Variants in TTLL10 observed in about 807,000 individuals in gnomAD.
TTLL10 encodes inactive polyglycylase TTLL10.
TTLL10 carries 61 observed loss-of-function variants against 69.0 expected under a neutral mutation model. The observed-to-expected ratio is 0.88, with a 90% CI of 0.72 to 1.09. TTLL10 has a LOEUF of 1.09. TTLL10 is among the 50% of genes least tolerant of loss of function. The pLI is 0.00. For synonymous variants in TTLL10, 408 were observed against 393.3 expected, an observed-to-expected ratio of 1.04 and a Z score of -0.44; for missense variants, 962 against 945.9, an observed-to-expected ratio of 1.02 and a Z score of -0.22.
chr1:1,181,722 T>G lies in TTLL10; in HGVS notation c.756-19T>G. On this transcript the variant is annotated intron_variant, in intron 8 of 15. Transcript: ENST00000379289. The surrounding 1 kb of genome is among the most constrained non-coding windows in gnomAD (Gnocchi z 4.6). ...TGAGCTGGCCCCTCAGTCCAGGCCCTCTGTCCCCTGGGCTGCAGGCTGGAA... is the reference window on the plus strand; with the variant it reads ...TGAGCTGGCCCCTCAGTCCAGGCCCGCTGTCCCCTGGGCTGCAGGCTGGAA... 1 of 1,579,234 alleles carries G rather than the reference T, an allele frequency of 6.3e-7. No homozygotes were observed. The highest frequency in any genetic ancestry group is 8.6e-7 in the Non-Finnish European group (1 of 1,163,464).
rs1461884764 is a variant in TTLL10 at position 1,184,108 on chromosome 1, T to A, written c.1260+17T>A. On this transcript the variant is annotated intron_variant, in intron 12 of 15. Transcript: ENST00000379289. ...ACCAACCAGGTGAGTCTGCCATGGGTGAGGGCCCTCCCTGCAGCCTTGGGA... is the reference window on the plus strand; with the variant it reads ...ACCAACCAGGTGAGTCTGCCATGGGAGAGGGCCCTCCCTGCAGCCTTGGGA... The A allele has an allele frequency of 1.2e-6, 2 of 1,613,820 alleles. No homozygotes were observed. Among genetic ancestry groups the A allele is most frequent in the Admixed American group, 3.3e-5 (2 of 59,996 alleles).
chr1:1,189,920 G>A (rs942671890), intron 13 of TTLL10, among the ~76,000 whole-genome samples: 12 of 152,088 alleles, frequency 7.9e-5, no homozygotes, highest in Admixed American at 3.3e-4. Flanking sequence ...AGACCATCCC[G>A]GGTAACACGG....
intron 11 of TTLL10, among the ~76,000 whole-genome samples, chr1:1,183,268 G>A (rs754401843): frequency 1.4e-4 from 22 of 152,314 alleles, no homozygotes; most frequent in Admixed American, 1.2e-3. Context: ...GGGTTAGTCA[G>A]TTTGTCCTTC....
At chr1:1,188,238 T>A (rs1262932011) in intron 13 of TTLL10, among the ~76,000 whole-genome samples, 1 of 152,184 alleles carries the variant, frequency 6.6e-6, no homozygotes, top group African/African-American at 2.4e-5. Flanking sequence ...ACCACATGGT[T>A]TTGATTGCTG....
chr1:1,182,510 G>A, intron 10 of TTLL10, 64 bp downstream of exon 10: 2 of 1,552,606 alleles, frequency 1.3e-6, no homozygotes, highest in Non-Finnish European at 1.8e-6. Flanking sequence ...CTGGACCAAG[G>A]CGGGGGCTGA....
In TTLL10 at chr1:1,181,724, T is replaced by C. The variant is rs375805679; in HGVS notation, c.756-17T>C. 214 of 1,582,180 alleles carry C rather than the reference T, an allele frequency of 1.4e-4. No homozygotes were observed. In the African/African-American group the frequency reaches 2.5e-3, roughly 19 times the overall value. On this transcript the variant is annotated splice_polypyrimidine_tract_variant and intron_variant, in intron 8 of 15. Transcript: ENST00000379289. This position sits in a 1 kb window ranked among gnomAD's most constrained non-coding sequence, Gnocchi z 4.6. The stretch of plus-strand genomic sequence containing the variant: ...AGCTGGCCCCTCAGTCCAGGCCCTC[T>C]GTCCCCTGGGCTGCAGGCTGGAAAA...
chr1:1,192,544 C>T (rs1269232715), intron 13 of TTLL10, among the ~76,000 whole-genome samples: 1 of 151,206 alleles, frequency 6.6e-6, no homozygotes, highest in Non-Finnish European at 1.5e-5. Flanking sequence ...AGTGTAGACA[C>T]TCCAGTTGGT....
chr1:1,182,416 G>A lies in TTLL10; in HGVS notation c.886G>A (p.Glu296Lys), dbSNP rs1183153253. The change falls in exon 10 of 16, where the codon GAG becomes AAG. Residue 296 changes from glutamate (E) to lysine (K), a missense_variant. Coordinates refer to ENST00000379289, the MANE Select transcript of TTLL10 (RefSeq NM_001130045.2). ...PETYRLDLKH[E>K]REAFFTLFDE... is the part of the protein sequence containing the mutation. ...GACCTACCGCCTGGACCTCAAACAC[G>A]AGAGAGAGGCCTTTTTCACCTTGTT... 8 of 1,613,990 alleles carry A rather than the reference G, an allele frequency of 5.0e-6. No homozygotes were observed. The highest frequency in any genetic ancestry group is 1.6e-4 in the Middle Eastern group (1 of 6,062).
intron 13 of TTLL10, among the ~76,000 whole-genome samples, chr1:1,191,578 T>C (rs1647782107): frequency 6.6e-6 from 1 of 152,152 alleles, no homozygotes; most frequent in African/African-American, 2.4e-5. Context: ...TTGGGTGTAG[T>C]GTTCTGTAGA....
intron 13 of TTLL10, chr1:1,196,378 A>G (rs1459852755): frequency 1.8e-6 from 1 of 543,164 alleles, no homozygotes; most frequent in Non-Finnish European, 3.3e-6. Context: ...TCACTCTCGT[A>G]TCTCCAGTGC....
Position 1,185,506 on chromosome 1 carries a change from C to T in TTLL10, c.1401+397C>T. 9.5e-7 allele frequency: 1 copy of T among 1,054,098 alleles called. No homozygotes were observed. Among genetic ancestry groups the T allele is most frequent in the Non-Finnish European group, 1.1e-6 (1 of 874,632 alleles). 65.3% of individuals were successfully genotyped at this position (1,054,098 alleles called of 1,614,324 possible). ...CCTGGAGCAGCAGCAGCTGCCCGTGCAGGCCCGGACTCTCCCTAGCTAAGG... is the reference window on the plus strand; with the variant it reads ...CCTGGAGCAGCAGCAGCTGCCCGTGTAGGCCCGGACTCTCCCTAGCTAAGG... On this transcript the variant is annotated intron_variant, in intron 13 of 15. Coordinates refer to ENST00000379289, the MANE Select transcript of TTLL10 (RefSeq NM_001130045.2). The surrounding 1 kb of genome is among the most constrained non-coding windows in gnomAD (Gnocchi z 6.1).
Position 1,197,614 on chromosome 1 carries a change from G to C in TTLL10, c.1789G>C (p.Gly597Arg), listed in dbSNP as rs751960961. 2 of 1,515,384 alleles carry C rather than the reference G, an allele frequency of 1.3e-6. No homozygotes were observed. Among genetic ancestry groups the C allele is most frequent in the African/African-American group, 1.4e-5 (1 of 70,850 alleles). The allele number at this position is 1,515,384 out of a possible 1,614,324, so 93.9% of individuals were successfully genotyped here. The change falls in exon 16 of 16, where the codon GGG becomes CGG. Residue 597 changes from glycine (G) to arginine (R), a missense_variant. Transcript: ENST00000379289. ...GCCCACCCGCCAGGCCAAGTCCTCC[G>C]GGCCACCCATGCCGCATGCCCCAGA... Reference protein sequence around the residue: ...PLPTRQAKSSGPPMPHAPDQP... With the variant: ...PLPTRQAKSSRPPMPHAPDQP...
chr1:1,196,659 C>T lies in TTLL10; in HGVS notation c.1461C>T (p.Cys487=). The change falls in exon 14 of 16, where the codon TGC becomes TGT. Residue 487 remains cysteine, a synonymous_variant. Coordinates refer to ENST00000379289, the MANE Select transcript of TTLL10 (RefSeq NM_001130045.2). ...TGGCCGCCAAGCCCAAGCTGGACTG[C>T]AAGCTGGGTTACTTTGACCTCATTG... ...CFLAAKPKLD[C]KLGYFDLIGC... 1 of 1,552,032 alleles carries T rather than the reference C, an allele frequency of 6.4e-7. No individual in the cohort carries two copies.
In TTLL10 at chr1:1,197,558, G is replaced by T; in HGVS notation, c.1733G>T (p.Gly578Val). 1.3e-6 allele frequency: 2 copies of T among 1,517,400 alleles called. No individual in the cohort carries two copies. The highest frequency in any genetic ancestry group is 1.2e-5 in the South Asian group (1 of 81,510). 94.0% of individuals were successfully genotyped at this position (1,517,400 alleles called of 1,614,324 possible). A position where few individuals can be genotyped will look rare whatever the true frequency, so the allele number is the denominator to read the frequency against. Residue 578 changes from glycine (G) to valine (V), a missense_variant, in exon 16 of 16, where the codon GGC (glycine) becomes GTC (valine). Physicochemically the swap from Gly to Val is moderately radical, Grantham distance 109. Transcript: ENST00000379289. The part of the protein sequence containing the change: ...GEADPRPHLG[G>V]SCSLRRWPPL... The stretch of plus-strand genomic sequence containing the variant: ...GCCGACCCGCGGCCGCACCTGGGGG[G>T]CTCGTGCAGCCTCCGCCGCTGGCCG...
At chr1:1,190,902 T>G (rs571343084) in intron 13 of TTLL10, among the ~76,000 whole-genome samples, 1 of 152,208 alleles carries the variant, frequency 6.6e-6, no homozygotes, top group South Asian at 2.1e-4. Flanking sequence ...CTCAGCTCAC[T>G]GCAGCCTCTG....
chr1:1,179,229 G>T lies in TTLL10; in HGVS notation c.14G>T (p.Cys5Phe). Reference protein sequence around the residue: MDHSCTRFIHRRGPP... With the variant: MDHSFTRFIHRRGPP... ...ACCCCCCGGCCAATGGACCACAGCT[G>T]CACCCGGTTCATCCACCGCCGGGGA... The change falls in exon 4 of 16, where the codon TGC becomes TTC. Residue 5 changes from cysteine to phenylalanine, a missense_variant. Physicochemically the swap from Cys to Phe is radical, Grantham distance 205 (BLOSUM62 -2). Transcript: ENST00000379289. 6.5e-7 allele frequency: 1 copy of T among 1,547,210 alleles called. No homozygotes were observed. Among genetic ancestry groups the T allele is most frequent in the Non-Finnish European group, 8.7e-7 (1 of 1,144,976 alleles).
chr1:1,183,143 T>C, intron 11 of TTLL10, 96 bp downstream of exon 11: 6 of 1,418,440 alleles, frequency 4.2e-6, no homozygotes, highest in Non-Finnish European at 5.6e-6. Context: ...CCCTTGGTCG[T>C]GGAAAGCAGC....
Position 1,185,816 on chromosome 1 carries a change from T to A in TTLL10, c.1401+707T>A. ...GTTACTTTCCTCACATCTCCCAAAC[T>A]CTCTCTTAATTGCGATAATTCACAG... On this transcript the variant is annotated intron_variant, in intron 13 of 15. Coordinates refer to ENST00000379289, the MANE Select transcript of TTLL10 (RefSeq NM_001130045.2). The surrounding 1 kb of genome is among the most constrained non-coding windows in gnomAD (Gnocchi z 6.1). The A allele has an allele frequency of 1.0e-6, 1 of 985,386 alleles. No individual in the cohort carries two copies. Among genetic ancestry groups the A allele is most frequent in the Non-Finnish European group, 1.2e-6 (1 of 829,918 alleles). The allele number at this position is 985,386 out of a possible 1,614,324, so 61.0% of individuals were successfully genotyped here. A position where few individuals can be genotyped will look rare whatever the true frequency, so the allele number is the denominator to read the frequency against.
chr1:1,185,767 C>T lies in TTLL10; in HGVS notation c.1401+658C>T, dbSNP rs530942679. 6.1e-6 allele frequency: 6 copies of T among 985,486 alleles called. No homozygotes were observed. Among genetic ancestry groups the T allele is most frequent in the Admixed American group, 6.1e-5 (1 of 16,298 alleles). The allele number at this position is 985,486 out of a possible 1,614,324, so 61.0% of individuals were successfully genotyped here. A position where few individuals can be genotyped will look rare whatever the true frequency, so the allele number is the denominator to read the frequency against. ...CAGGCGTGTGTCACTGTGGCTGGGA[C>T]GGCAGCGCTCAGAGGAGCCTCCAGT... On this transcript the variant is annotated intron_variant, in intron 13 of 15. Transcript: ENST00000379289. The surrounding 1 kb of genome is among the most constrained non-coding windows in gnomAD (Gnocchi z 6.1).
Sources: allele counts gnomAD v4.1 joint callset (sites outside exome capture counted in the v4.1 genomes callset), GRCh38; gene constraint gnomAD v4.1.1; non-coding constraint Gnocchi (gnomAD v3.1); transcripts MANE v1.5; gene names NCBI Gene and HGNC (gene_info 2026-07-23, HGNC 2026-07-21).